The following SOX5 variants were observed in gnomAD, a reference collection of about 807,000 sequenced individuals.
SOX5 encodes SRY-box transcription factor 5.
A neutral mutation model predicts 92.0 loss-of-function variants in SOX5; 9 were observed. That is an observed-to-expected ratio of 0.10 (90% CI 0.06 to 0.17). The LOEUF (loss-of-function observed/expected upper bound fraction) is 0.17, where lower values mean the gene tolerates loss of function less well. Ranked by LOEUF, SOX5 falls within the 10% of genes least tolerant of loss-of-function variation. The probability of loss-of-function intolerance (pLI) is 1.00; values close to 1 mark genes in which losing one functional copy is unlikely to be tolerated. For synonymous variants in SOX5, 344 were observed against 336.3 expected, an observed-to-expected ratio of 1.02 and a Z score of -0.25; for missense variants, 642 against 944.5, an observed-to-expected ratio of 0.68 and a Z score of 4.20.
chr12:23,673,934 A>AG lies in SOX5; in HGVS notation c.811-8371_811-8370insC, dbSNP rs556182622. Among the ~76,000 whole-genome samples the AG allele has an allele frequency of 6.4e-3, 968 of 150,344 alleles. 6 individuals carry two copies. The highest frequency in any genetic ancestry group is 8.5e-3 in the Non-Finnish European group (571 of 67,500). On this transcript the variant is annotated intron_variant, in intron 6 of 14. Transcript: ENST00000451604. ...TGGCATCTGAATTACATCTCAATTT[A>AG]AAAAAAAACCATAGCAAGTAAAAAA...
At chr12:24,135,301 A>G (rs1950017513) in intron 4 of SOX5, among the ~76,000 whole-genome samples, 1 of 151,994 alleles carries the variant, frequency 6.6e-6, no homozygotes, top group Non-Finnish European at 1.5e-5. Context: ...CTTCCCTTAG[A>G]CCCTCCTCTG....
chr12:23,733,844 GGAT>G (rs2093482543), intron 6 of SOX5, among the ~76,000 whole-genome samples: 1 of 152,276 alleles, frequency 6.6e-6, no homozygotes, highest in East Asian at 1.9e-4. Flanking sequence ...GCCTCCAGAT[GGAT>G]GATGTCACAT....
intron 6 of SOX5, among the ~76,000 whole-genome samples, chr12:23,669,336 A>G (rs1357253354): frequency 2.6e-5 from 4 of 152,096 alleles, no homozygotes; most frequent in Non-Finnish European, 4.4e-5. Flanking sequence ...AGACAGAGAC[A>G]TAAGAAAAGG....
intron 10 of SOX5, among the ~76,000 whole-genome samples, chr12:23,575,295 C>T (rs145491817): frequency 2.0e-5 from 3 of 152,274 alleles, no homozygotes; most frequent in East Asian, 1.9e-4. Context: ...ATAATGTATA[C>T]TTTGTGCAAT....
rs1319644058 is a variant in SOX5, at chr12:23,533,128, G to A, written c.*1091C>T. ...GTTAAGTTGTCATTTGAAGTGCAAA[G>A]TCAAGGTCAAGATTATTTCTAGACC... On this transcript the variant is annotated 3_prime_UTR_variant, in exon 15 of 15. Transcript: ENST00000451604. 2.2e-6 allele frequency: 1 copy of A among 454,868 alleles called. No individual in the cohort carries two copies. Among genetic ancestry groups the A allele is most frequent in the Admixed American group, 2.4e-5 (1 of 42,228 alleles). 28.2% of individuals were successfully genotyped at this position (454,868 alleles called of 1,614,324 possible).
At chr12:24,488,080 G>A (rs1946699019) in intron 1 of SOX5, among the ~76,000 whole-genome samples, 1 of 152,080 alleles carries the variant, frequency 6.6e-6, no homozygotes, top group Non-Finnish European at 1.5e-5. Context: ...TTGTTAAACT[G>A]TCAAAAGATG....
At chr12:23,544,514 T>C (rs1657127233) in intron 12 of SOX5, among the ~76,000 whole-genome samples, 2 of 152,238 alleles carry the variant, frequency 1.3e-5, no homozygotes, top group Admixed American at 1.3e-4. Context: ...TCTTTATTTT[T>C]AAATTTGGAG....
At chr12:23,726,266 C>A (rs140802132) in intron 6 of SOX5, among the ~76,000 whole-genome samples, 2 of 151,828 alleles carry the variant, frequency 1.3e-5, no homozygotes, top group East Asian at 3.9e-4. Flanking sequence ...GGAGCTGAAG[C>A]AAATTTGCCA....
chr12:24,550,339 G>T (rs1953034835), intron 1 of SOX5, among the ~76,000 whole-genome samples: 1 of 152,192 alleles, frequency 6.6e-6, no homozygotes, highest in African/African-American at 2.4e-5. Context: ...AGCCACCTAT[G>T]TTGTTAATTC....
intron 4 of SOX5, among the ~76,000 whole-genome samples, chr12:24,021,307 C>CCCTA (rs1322253683): frequency 3.3e-5 from 5 of 152,118 alleles, no homozygotes; most frequent in African/African-American, 1.2e-4. Context: ...AACCACCCAC[C>CCCTA]CCTACCCCAG....
At chr12:24,549,558 A>G (rs551302413) in intron 1 of SOX5, among the ~76,000 whole-genome samples, 2 of 152,218 alleles carry the variant, frequency 1.3e-5, no homozygotes, top group South Asian at 4.1e-4. Flanking sequence ...AGGTGTCAGA[A>G]GTGGCTTTTG....
intron 6 of SOX5, among the ~76,000 whole-genome samples, chr12:23,729,660 T>A (rs902494775): frequency 1.3e-5 from 2 of 152,198 alleles, no homozygotes; most frequent in African/African-American, 4.8e-5. Flanking sequence ...GTTGGAAAAG[T>A]TAATCAGATG....
At chr12:23,918,677 G>A (rs1270207673) in intron 1 of SOX5, among the ~76,000 whole-genome samples, 1 of 152,134 alleles carries the variant, frequency 6.6e-6, no homozygotes, top group Non-Finnish European at 1.5e-5. Context: ...TGTAATCCCA[G>A]CACTTTGGGA....
At position 23,767,692 on chromosome 12, in the gene SOX5, T is replaced by C. The variant is rs186818688; in HGVS notation, c.482-11968A>G. On this transcript the variant is annotated intron_variant, in intron 3 of 14. Coordinates refer to ENST00000451604, the MANE Select transcript of SOX5 (RefSeq NM_006940.6). ...AAAATCATGTCTCATATCTAGTAACTGAGAGGAAAACATGATCTATAAATA... is the reference window on the plus strand; with the variant it reads ...AAAATCATGTCTCATATCTAGTAACCGAGAGGAAAACATGATCTATAAATA... Among the ~76,000 whole-genome samples, 955 of 152,172 alleles carry C rather than the reference T, an allele frequency of 6.3e-3. 15 individuals are homozygous for C. Among genetic ancestry groups the C allele is most frequent in the African/African-American group, 0.023 (934 of 41,508 alleles).
At chr12:24,268,731 CTTCT>C (rs1199247810) in intron 3 of SOX5, among the ~76,000 whole-genome samples, 6 of 152,134 alleles carry the variant, frequency 3.9e-5, no homozygotes, top group Non-Finnish European at 8.8e-5. Flanking sequence ...AAATCTGTGC[CTTCT>C]TTATTAAAGT....
chr12:23,869,641 A>G (rs1178327634), intron 2 of SOX5, among the ~76,000 whole-genome samples: 3 of 152,162 alleles, frequency 2.0e-5, no homozygotes, highest in Non-Finnish European at 4.4e-5. Flanking sequence ...AAGCAGCCCC[A>G]GAATGTAAAT....
chr12:23,689,142 C>T (rs939421560), intron 6 of SOX5, among the ~76,000 whole-genome samples: 10 of 152,098 alleles, frequency 6.6e-5, no homozygotes, highest in Non-Finnish European at 1.5e-4. Flanking sequence ...TAGAGCTAAT[C>T]TGTTTAGCCC....
chr12:24,252,164 C>G (rs904475364), intron 3 of SOX5, among the ~76,000 whole-genome samples: 1 of 152,142 alleles, frequency 6.6e-6, no homozygotes, highest in Non-Finnish European at 1.5e-5. Flanking sequence ...AGAAAACAGA[C>G]CCATTTCCTC....
In SOX5 at chr12:23,761,063, G is replaced by C. The variant is rs1036550339; in HGVS notation, c.482-5339C>G. On this transcript the variant is annotated intron_variant, in intron 3 of 14. Coordinates refer to ENST00000451604, the MANE Select transcript of SOX5 (RefSeq NM_006940.6). ...CTAAGCTGTTTTATTCTTGACATGT[G>C]ATAGTGTACACATTGAGGAATGGAA... 2.0e-5 allele frequency among the ~76,000 whole-genome samples: 3 copies of C among 152,044 alleles called. No individual in the cohort carries two copies. The East Asian group carries it at 5.8e-4, about 29-fold the overall frequency.
Sources: gnomAD v4.1 joint callset for allele counts (sites outside exome capture counted in the v4.1 genomes callset) on GRCh38, gnomAD v4.1.1 for gene constraint, MANE v1.5 for transcripts, NCBI Gene and HGNC (gene_info 2026-07-23, HGNC 2026-07-21) for gene names.